The following ECM2 variants were observed in gnomAD, a reference collection of about 807,000 sequenced individuals.
ECM2 encodes extracellular matrix protein 2.
A neutral mutation model predicts 67.5 loss-of-function variants in ECM2; 57 were observed. That is an observed-to-expected ratio of 0.84 (90% CI 0.68 to 1.05). The LOEUF is 1.05. ECM2 is among the 50% of genes least tolerant of loss of function. The probability of loss-of-function intolerance (pLI) is 0.00; values close to 1 mark genes in which losing one functional copy is unlikely to be tolerated. For synonymous variants in ECM2, 258 were observed against 294.5 expected, an observed-to-expected ratio of 0.88 and a Z score of 1.27; for missense variants, 741 against 822.8, an observed-to-expected ratio of 0.90 and a Z score of 1.22.
At chr9:92,525,082 C>A (rs1417505742) in intron 1 of ECM2, among the ~76,000 whole-genome samples, 1 of 152,048 alleles carries the variant, frequency 6.6e-6, no homozygotes, top group African/African-American at 2.4e-5. Flanking sequence ...GAGGCCGAAA[C>A]CAAGGTGGGA....
chr9:92,547,063 A>G, the ECM2 span, among the ~76,000 whole-genome samples: 4 of 152,210 alleles, frequency 2.6e-5, no homozygotes, highest in Non-Finnish European at 4.4e-5. Flanking sequence ...CCAACAATAT[A>G]TAAATAATAT....
At chr9:92,493,597 A>G (rs888259284), downstream of ECM2, 1 of 152,654 alleles carries the variant, frequency 6.6e-6, no homozygotes, top group Non-Finnish European at 1.5e-5. Context: ...TATGTGTGTT[A>G]GTAATTATAG....
At chr9:92,540,783 AT>A (rs1262656455), upstream of ECM2, among the ~76,000 whole-genome samples, 2 of 149,804 alleles carry the variant, frequency 1.3e-5, no homozygotes, top group South Asian at 2.1e-4. Context: ...AAAAAAAAAA[AT>A]CATCAATGAA....
At chr9:92,495,282 TA>T, downstream of ECM2, 2 of 785,376 alleles carry the variant, frequency 2.5e-6, no homozygotes, top group Non-Finnish European at 3.1e-6. Context: ...ATGTGTCTTA[TA>T]AATTACTTTA....
chr9:92,536,150 G>T (rs1849151967), upstream of ECM2: 1 of 381,230 alleles, frequency 2.6e-6, no homozygotes, highest in African/African-American at 2.2e-5. Context: ...AAGTAACCAG[G>T]GAAAATGGTT....
chr9:92,527,003 A>T (rs570668751), intron 1 of ECM2, among the ~76,000 whole-genome samples: 2 of 149,338 alleles, frequency 1.3e-5, no homozygotes, highest in East Asian at 2.0e-4. Context: ...AGATATGTTT[A>T]TTATTTATTT....
chr9:92,496,227 A>G lies in ECM2; in HGVS notation c.*88T>C. The G allele has an allele frequency of 6.7e-7, 1 of 1,489,184 alleles. No individual in the cohort carries two copies. The highest frequency in any genetic ancestry group is 2.4e-5 in the East Asian group (1 of 41,834). 92.2% of individuals were successfully genotyped at this position (1,489,184 alleles called of 1,614,324 possible). On this transcript the variant is annotated 3_prime_UTR_variant, in exon 10 of 10. Transcript: ENST00000344604. Reference sequence around the variant, plus strand: ...AGCATATAATGATACTGAGTATAACAGGAGGATTATGTCTCTCTTATTAAT... The same window carrying G: ...AGCATATAATGATACTGAGTATAACGGGAGGATTATGTCTCTCTTATTAAT...
intron 2 of ECM2, among the ~76,000 whole-genome samples, chr9:92,519,196 T>C (rs149906507): frequency 1.1e-4 from 16 of 152,308 alleles, no homozygotes; most frequent in African/African-American, 3.8e-4. Flanking sequence ...AATAGGCTAA[T>C]CCCACCTACC....
Position 92,525,618 on chromosome 9 carries a change from C to T in ECM2, c.-27-2725G>A, listed in dbSNP as rs138835617. On this transcript the variant is annotated intron_variant, in intron 1 of 9. Transcript: ENST00000344604. ...ATAAAAATACAGCACAGGCTGGGCGCGGTGGCTCAAGCCTATAATCCCAGC... is the reference window on the plus strand; with the variant it reads ...ATAAAAATACAGCACAGGCTGGGCGTGGTGGCTCAAGCCTATAATCCCAGC... Among the ~76,000 whole-genome samples, 296 of 152,192 alleles carry T rather than the reference C, an allele frequency of 1.9e-3. 2 individuals carry two copies. Among genetic ancestry groups the T allele is most frequent in the African/African-American group, 6.5e-3 (268 of 41,530 alleles).
At chr9:92,525,839 G>C (rs1298142051) in intron 1 of ECM2, among the ~76,000 whole-genome samples, 1 of 144,236 alleles carries the variant, frequency 6.9e-6, no homozygotes, top group Non-Finnish European at 1.5e-5. Context: ...GCACTGAGTA[G>C]CTAGGACTAC....
the ECM2 span, among the ~76,000 whole-genome samples, chr9:92,557,377 G>A: frequency 6.6e-6 from 1 of 152,152 alleles, no homozygotes; most frequent in Non-Finnish European, 1.5e-5. Context: ...CTCTAGCTAG[G>A]CTGGGGAAGT....
downstream of ECM2, chr9:92,493,973 G>T: frequency 9.9e-7 from 1 of 1,013,554 alleles, no homozygotes; most frequent in Non-Finnish European, 1.4e-6. Context: ...GGTGGCCGTA[G>T]TCTCCTGGCG....
chr9:92,507,187 G>A (rs1393790354), intron 6 of ECM2, among the ~76,000 whole-genome samples: 3 of 152,188 alleles, frequency 2.0e-5, no homozygotes, highest in Non-Finnish European at 4.4e-5. Flanking sequence ...CCTGGTGGTG[G>A]TGCTCAGGAT....
intron 4 of ECM2, among the ~76,000 whole-genome samples, chr9:92,512,741 C>T (rs904401841): frequency 1.3e-5 from 2 of 152,120 alleles, no homozygotes; most frequent in Non-Finnish European, 2.9e-5. Context: ...TTTTTAAACC[C>T]GGAAAGTGAG....
intron 1 of ECM2, among the ~76,000 whole-genome samples, chr9:92,528,253 C>T (rs1487649692): frequency 6.6e-6 from 1 of 152,146 alleles, no homozygotes; most frequent in Non-Finnish European, 1.5e-5. Context: ...GGATGCAAAT[C>T]AAATGCCCGG....
intron 1 of ECM2, among the ~76,000 whole-genome samples, chr9:92,534,375 C>A (rs1849040696): frequency 6.6e-6 from 1 of 152,214 alleles, no homozygotes; most frequent in Admixed American, 6.5e-5. Flanking sequence ...AGTCAGGTTT[C>A]ACTTAGTTAG....
chr9:92,502,020 G>C (rs1846709418), intron 8 of ECM2, among the ~76,000 whole-genome samples: 1 of 152,230 alleles, frequency 6.6e-6, no homozygotes, highest in Non-Finnish European at 1.5e-5. Flanking sequence ...GTGTAGTGTA[G>C]GAGAACAGGC....
intron 1 of ECM2, 30 bp from the exon 2 acceptor site, chr9:92,522,923 G>T (rs1848168132): frequency 6.6e-7 from 1 of 1,518,094 alleles, no homozygotes; most frequent in Non-Finnish European, 8.7e-7. Flanking sequence ...CAAAGTTAGT[G>T]GTGACTAAAT....
At chr9:92,537,014 C>T (rs975628765), upstream of ECM2, among the ~76,000 whole-genome samples, 5 of 151,548 alleles carry the variant, frequency 3.3e-5, no homozygotes, top group Admixed American at 6.6e-5. Context: ...GGCTTAAAGG[C>T]GCCTGCCACC....
Sources: gnomAD v4.1 joint callset for allele counts (sites outside exome capture counted in the v4.1 genomes callset) on GRCh38, gnomAD v4.1.1 for gene constraint, MANE v1.5 for transcripts, NCBI Gene and HGNC (gene_info 2026-07-23, HGNC 2026-07-21) for gene names.